The following RCAN2 variants were observed in gnomAD, a reference collection of about 807,000 sequenced individuals.
RCAN2 encodes the protein calcipressin-2.
In RCAN2, 9 loss-of-function variants were observed where a neutral mutation model predicts 23.6. That is an observed-to-expected ratio of 0.38 (90% CI 0.23 to 0.67). RCAN2 has a LOEUF of 0.67. Among genes scored for constraint, RCAN2 ranks in the 30% least tolerant of loss-of-function variants. The pLI is 0.51. For missense variants in RCAN2, 273 were observed against 302.3 expected (o/e 0.90, Z 0.72); for synonymous variants, 109 against 115.7 (o/e 0.94, Z 0.37).
chr6:46,450,028 CAA>C (rs1179833782), intron 2 of RCAN2, among the ~76,000 whole-genome samples: 1 of 151,574 alleles, frequency 6.6e-6, no homozygotes, highest in Non-Finnish European at 1.5e-5. Context: ...AAAATATTTG[CAA>C]AGAGAGAAAA....
intron 2 of RCAN2, among the ~76,000 whole-genome samples, chr6:46,252,314 C>A (rs1290149880): frequency 6.6e-6 from 1 of 152,168 alleles, no homozygotes; most frequent in Non-Finnish European, 1.5e-5. Flanking sequence ...TCACCAGGGA[C>A]ACAATAATAT....
chr6:46,356,369 A>G (rs1324365351), intron 2 of RCAN2, among the ~76,000 whole-genome samples: 1 of 152,190 alleles, frequency 6.6e-6, no homozygotes, highest in Non-Finnish European at 1.5e-5. Context: ...AAGCCCAGTG[A>G]AAACTTAGAA....
intron 2 of RCAN2, among the ~76,000 whole-genome samples, chr6:46,456,526 A>G (rs1768036603): frequency 1.3e-5 from 2 of 152,230 alleles, no homozygotes; most frequent in South Asian, 4.1e-4. Context: ...TGAGTCACAG[A>G]GGACTCAATT....
intron 2 of RCAN2, among the ~76,000 whole-genome samples, chr6:46,356,358 C>T (rs1764831353): frequency 6.6e-6 from 1 of 152,170 alleles, no homozygotes; most frequent in Admixed American, 6.5e-5. Flanking sequence ...TGCCCTCCCT[C>T]AAGCCCAGTG....
chr6:46,391,562 C>T (rs888006843), intron 2 of RCAN2, among the ~76,000 whole-genome samples: 1 of 152,096 alleles, frequency 6.6e-6, no homozygotes, highest in African/African-American at 2.4e-5. Flanking sequence ...CTTTAGTAGA[C>T]AATTTGCTCT....
At chr6:46,471,948 C>A (rs1474332359) in intron 1 of RCAN2, among the ~76,000 whole-genome samples, 1 of 152,168 alleles carries the variant, frequency 6.6e-6, no homozygotes, top group East Asian at 1.9e-4. Context: ...CTAGCCCCTA[C>A]CTCCCCTAGA....
intron 2 of RCAN2, among the ~76,000 whole-genome samples, chr6:46,308,781 C>G (rs1359379773): frequency 6.6e-6 from 1 of 151,234 alleles, no homozygotes; most frequent in African/African-American, 2.4e-5. Flanking sequence ...TTATGGAGCA[C>G]AGTAGTAATA....
intron 2 of RCAN2, among the ~76,000 whole-genome samples, chr6:46,284,551 G>A (rs1762305804): frequency 6.6e-6 from 1 of 152,174 alleles, no homozygotes; most frequent in Non-Finnish European, 1.5e-5. Flanking sequence ...CAGCTCATTT[G>A]TTAAGATTTT....
chr6:46,334,161 G>T (rs1308320244), intron 2 of RCAN2, among the ~76,000 whole-genome samples: 1 of 152,136 alleles, frequency 6.6e-6, no homozygotes, highest in South Asian at 2.1e-4. Flanking sequence ...GCCTATCTAG[G>T]TAGCACTCCT....
At chr6:46,347,969 A>T (rs1284476899) in intron 2 of RCAN2, among the ~76,000 whole-genome samples, 1 of 152,238 alleles carries the variant, frequency 6.6e-6, no homozygotes, top group African/African-American at 2.4e-5. Flanking sequence ...TAAATAAGTA[A>T]GACCTTTTAT....
At chr6:46,401,975 C>T (rs1222425980) in intron 2 of RCAN2, among the ~76,000 whole-genome samples, 1 of 152,092 alleles carries the variant, frequency 6.6e-6, no homozygotes, top group Non-Finnish European at 1.5e-5. Context: ...ATGCAAAGCC[C>T]ATGTCATGGC....
chr6:46,285,270 T>C (rs1762336186), intron 2 of RCAN2, among the ~76,000 whole-genome samples: 1 of 152,180 alleles, frequency 6.6e-6, no homozygotes, highest in African/African-American at 2.4e-5. Context: ...AAAATATAAA[T>C]CAATTTTGGG....
chr6:46,291,963 C>A (rs941634042), intron 2 of RCAN2, among the ~76,000 whole-genome samples: 4 of 152,186 alleles, frequency 2.6e-5, no homozygotes, highest in African/African-American at 7.2e-5. Context: ...TATTCGGCAA[C>A]CAGCACAAGT....
chr6:46,473,607 T>C (rs1468199286), intron 1 of RCAN2, among the ~76,000 whole-genome samples: 1 of 152,216 alleles, frequency 6.6e-6, no homozygotes, highest in African/African-American at 2.4e-5. Context: ...ATATGCTCAG[T>C]GGGTTTATAA....
At chr6:46,368,772 C>T (rs73453020) in intron 2 of RCAN2, among the ~76,000 whole-genome samples, 4,904 of 152,102 alleles carry the variant, frequency 0.032, 253 homozygotes, top group African/African-American at 0.11. Flanking sequence ...TTGCCCTGTA[C>T]GAGTCAGGGA....
intron 2 of RCAN2, among the ~76,000 whole-genome samples, chr6:46,456,254 C>T (rs1182540361): frequency 6.6e-6 from 1 of 152,192 alleles, no homozygotes; most frequent in South Asian, 2.1e-4. Flanking sequence ...CAAAGAAGGA[C>T]TCAGATGCCA....
At chr6:46,253,501 C>G (rs553018123) in intron 2 of RCAN2, among the ~76,000 whole-genome samples, 1 of 152,274 alleles carries the variant, frequency 6.6e-6, no homozygotes, top group African/African-American at 2.4e-5. Flanking sequence ...CATTGTATTT[C>G]TGGATGTCAC....
chr6:46,224,788 GT>G (rs533503312), intron 4 of RCAN2, among the ~76,000 whole-genome samples: 9,167 of 146,190 alleles, frequency 0.063, 953 homozygotes, highest in African/African-American at 0.21. Context: ...ACAAGGTACA[GT>G]TTTTTTTTTT....
intron 2 of RCAN2, among the ~76,000 whole-genome samples, chr6:46,309,848 A>G (rs979475170): frequency 6.6e-6 from 1 of 152,216 alleles, no homozygotes; most frequent in Non-Finnish European, 1.5e-5. Flanking sequence ...ATTCAATTTT[A>G]AACAACACTG....
Sources: gnomAD v4.1 joint callset for allele counts (sites outside exome capture counted in the v4.1 genomes callset) on GRCh38, gnomAD v4.1.1 for gene constraint, MANE v1.5 for transcripts, NCBI Gene and HGNC (gene_info 2026-07-23, HGNC 2026-07-21) for gene names.